The following RBMS1 variants were observed in gnomAD, a reference collection of about 807,000 sequenced individuals.
The protein encoded by RBMS1 is RNA binding motif single stranded interacting protein 1.
Under a neutral mutation model 62.3 loss-of-function variants are expected in RBMS1, and 17 were observed. The ratio of observed to expected loss-of-function variants is 0.27; its 90% confidence interval spans 0.19 to 0.41. The LOEUF is 0.41. Ranked by LOEUF, RBMS1 falls within the 10% of genes least tolerant of loss-of-function variation. The probability of loss-of-function intolerance (pLI) is 1.00; values close to 1 mark genes in which losing one functional copy is unlikely to be tolerated. For synonymous variants in RBMS1, 172 were observed against 170.0 expected, an observed-to-expected ratio of 1.01 and a Z score of -0.09; for missense variants, 334 against 504.5, an observed-to-expected ratio of 0.66 and a Z score of 3.24.
intron 2 of RBMS1, among the ~76,000 whole-genome samples, chr2:160,333,065 GTAAGGCAAC>G (rs533969969): frequency 6.6e-6 from 1 of 151,988 alleles, no homozygotes; most frequent in South Asian, 2.1e-4. Flanking sequence ...GATTCAAGAC[GTAAGGCAAC>G]CCAGGTGGAG....
chr2:160,307,163 G>C (rs574943520), intron 4 of RBMS1, among the ~76,000 whole-genome samples: 7 of 152,146 alleles, frequency 4.6e-5, no homozygotes, highest in African/African-American at 1.7e-4. Flanking sequence ...ACCTCCCCGT[G>C]CGTGTGGAAT....
intron 9 of RBMS1, chr2:160,282,471 G>T: frequency 2.3e-6 from 1 of 442,162 alleles, no homozygotes; most frequent in Non-Finnish European, 4.4e-6. Flanking sequence ...CAACATGAGT[G>T]CAGGGCCCTC....
intron 6 of RBMS1, among the ~76,000 whole-genome samples, chr2:160,300,006 A>T (rs1268580166): frequency 6.6e-6 from 1 of 152,250 alleles, no homozygotes; most frequent in African/African-American, 2.4e-5. Context: ...AGTGTGAACA[A>T]GGGATGGGGT....
intron 1 of RBMS1, among the ~76,000 whole-genome samples, chr2:160,368,149 G>C (rs1283823883): frequency 6.6e-6 from 1 of 152,132 alleles, no homozygotes; most frequent in South Asian, 2.1e-4. Flanking sequence ...TGCACCGACT[G>C]AAAGAAACCA....
intron 3 of RBMS1, among the ~76,000 whole-genome samples, chr2:160,317,041 C>T (rs1218827136): frequency 6.6e-6 from 1 of 152,088 alleles, no homozygotes; most frequent in Non-Finnish European, 1.5e-5. Context: ...TTATTGGGTA[C>T]CACTCTACAT....
chr2:160,461,473 C>G (rs1031133560), intron 1 of RBMS1, among the ~76,000 whole-genome samples: 3 of 152,118 alleles, frequency 2.0e-5, no homozygotes, highest in African/African-American at 7.2e-5. Context: ...ACAGGAATGA[C>G]TTCCTGTCCC....
At chr2:160,440,889 T>A (rs928337920) in intron 1 of RBMS1, among the ~76,000 whole-genome samples, 2 of 152,224 alleles carry the variant, frequency 1.3e-5, no homozygotes, top group Non-Finnish European at 2.9e-5. Flanking sequence ...TTTAAAAAAA[T>A]TGAGATATAA....
chr2:160,301,446 C>T (rs1689201093), intron 5 of RBMS1, among the ~76,000 whole-genome samples: 1 of 152,154 alleles, frequency 6.6e-6, no homozygotes, highest in South Asian at 2.1e-4. Context: ...ACTCTATACT[C>T]CTGGACTACT....
At chr2:160,333,987 G>A (rs960129745) in intron 2 of RBMS1, among the ~76,000 whole-genome samples, 3 of 152,040 alleles carry the variant, frequency 2.0e-5, no homozygotes, top group Non-Finnish European at 4.4e-5. Flanking sequence ...GAGTGGTACA[G>A]CACTTATTCT....
At chr2:160,357,853 G>A (rs1692890079) in intron 2 of RBMS1, among the ~76,000 whole-genome samples, 1 of 152,096 alleles carries the variant, frequency 6.6e-6, no homozygotes, top group South Asian at 2.1e-4. Flanking sequence ...TATACACAGA[G>A]GTATGAGATG....
Position 160,273,677 on chromosome 2 carries a change from T to TAAAGG in RBMS1, c.*1090_*1094dup, listed in dbSNP as rs1403358555. The TAAAGG allele has an allele frequency of 2.0e-5, 3 of 152,000 alleles. No individual in the cohort carries two copies. Among genetic ancestry groups the TAAAGG allele is most frequent in the African/African-American group, 7.3e-5 (3 of 41,372 alleles). The allele number at this position is 152,000 out of a possible 1,614,324, so 9.4% of individuals were successfully genotyped here. On this transcript the variant is annotated 3_prime_UTR_variant, in exon 14 of 14. Transcript: ENST00000348849. ...TCATTCTAAAGCACTATCATTAGTATAAAGGAAGGACAAAACATTCAGTGA... is the reference window on the plus strand; with the variant it reads ...TCATTCTAAAGCACTATCATTAGTATAAAGGAAAGGAAGGACAAAACATTCAGTGA...
intron 1 of RBMS1, among the ~76,000 whole-genome samples, chr2:160,438,094 C>T (rs1683188924): frequency 6.6e-6 from 1 of 152,150 alleles, no homozygotes; most frequent in African/African-American, 2.4e-5. Flanking sequence ...GATGTTGATA[C>T]CCTCTCTAAC....
rs183157719 is a variant in RBMS1 at position 160,347,865 on chromosome 2, G to C, written c.251+19351C>G. Among the ~76,000 whole-genome samples, 818 of 152,072 alleles carry C rather than the reference G, an allele frequency of 5.4e-3. 10 individuals carry two copies. Among genetic ancestry groups the C allele is most frequent in the African/African-American group, 0.019 (770 of 41,506 alleles). On this transcript the variant is annotated intron_variant, in intron 2 of 13. Coordinates refer to ENST00000348849, the MANE Select transcript of RBMS1 (RefSeq NM_016836.4). The stretch of plus-strand genomic sequence containing the variant: ...ATATCCTTAATCTTCTGTTTGAATA[G>C]AGTGCTTTATTACTTAGTGCTTTCA...
intron 2 of RBMS1, among the ~76,000 whole-genome samples, chr2:160,337,059 C>A (rs1468155761): frequency 1.3e-5 from 2 of 152,022 alleles, no homozygotes; most frequent in African/African-American, 4.8e-5. Flanking sequence ...TGGGGTTAAT[C>A]TCTGAGAATG....
chr2:160,458,224 A>G (rs1298096687), intron 1 of RBMS1, among the ~76,000 whole-genome samples: 1 of 152,196 alleles, frequency 6.6e-6, no homozygotes, highest in Non-Finnish European at 1.5e-5. Context: ...TGGGCTTCCC[A>G]AAGTGCCGGG....
intron 1 of RBMS1, among the ~76,000 whole-genome samples, chr2:160,449,163 A>G (rs1472471813): frequency 2.0e-5 from 3 of 147,600 alleles, no homozygotes; most frequent in Admixed American, 6.7e-5. Flanking sequence ...GGAAGTGAGG[A>G]GCGTCTCCGC....
At chr2:160,439,382 G>C (rs1683291652) in intron 1 of RBMS1, among the ~76,000 whole-genome samples, 1 of 151,806 alleles carries the variant, frequency 6.6e-6, no homozygotes, top group Non-Finnish European at 1.5e-5. Flanking sequence ...CTCAGACGGG[G>C]CGGCCGGGCA....
chr2:160,473,414 T>A (rs1446113664), intron 1 of RBMS1, among the ~76,000 whole-genome samples: 1 of 152,222 alleles, frequency 6.6e-6, no homozygotes, highest in East Asian at 1.9e-4. Flanking sequence ...GTTAATTTCA[T>A]GGAATTTGTC....
At chr2:160,405,876 A>G (rs1695678248) in intron 1 of RBMS1, among the ~76,000 whole-genome samples, 1 of 152,110 alleles carries the variant, frequency 6.6e-6, no homozygotes, top group African/African-American at 2.4e-5. Context: ...AGGCCCTAAC[A>G]TAATTAGCCA....
Sources: gnomAD v4.1 joint callset for allele counts (sites outside exome capture counted in the v4.1 genomes callset) on GRCh38, gnomAD v4.1.1 for gene constraint, MANE v1.5 for transcripts, NCBI Gene and HGNC (gene_info 2026-07-23, HGNC 2026-07-21) for gene names.